C6: variants seen among roughly 807,000 people sequenced by gnomAD.
C6 encodes complement C6, also known as complement component C6.
A neutral mutation model predicts 112.9 loss-of-function variants in C6; 101 were observed. That is an observed-to-expected ratio of 0.89 (90% CI 0.76 to 1.06). The LOEUF (loss-of-function observed/expected upper bound fraction) is 1.06, where lower values mean the gene tolerates loss of function less well. Among genes scored for constraint, C6 ranks in the 50% least tolerant of loss-of-function variants. C6 has a pLI of 0.00. For missense variants in C6, 1,202 were observed against 1,104.6 expected, an observed-to-expected ratio of 1.09 and a Z score of -1.25; for synonymous variants, 431 against 384.1, an observed-to-expected ratio of 1.12 and a Z score of -1.43.
At chr5:41,222,934 A>G (rs1489042694) in intron 1 of C6, among the ~76,000 whole-genome samples, 4 of 152,210 alleles carry the variant, frequency 2.6e-5, no homozygotes, top group Non-Finnish European at 5.9e-5. Flanking sequence ...AACTGTGTTC[A>G]TTTAACCAGA....
intron 1 of C6, among the ~76,000 whole-genome samples, chr5:41,229,286 CT>C (rs1038271081): frequency 6.9e-6 from 1 of 145,542 alleles, no homozygotes; most frequent in Non-Finnish European, 1.5e-5. Flanking sequence ...TGTGATCCTT[CT>C]TTTTGTTTTA....
chr5:41,196,453 G>T, intron 4 of C6, among the ~76,000 whole-genome samples: 1 of 151,836 alleles, frequency 6.6e-6, no homozygotes, highest in East Asian at 1.9e-4. Flanking sequence ...GAAGGAGGGG[G>T]AATTAACTAG....
At chr5:41,165,019 C>T (rs557666255) in intron 9 of C6, among the ~76,000 whole-genome samples, 6 of 152,238 alleles carry the variant, frequency 3.9e-5, no homozygotes, top group South Asian at 2.1e-4. Flanking sequence ...CAAATGCAAA[C>T]GCCAATTGTA....
chr5:41,158,804 T>TAC lies in C6; in HGVS notation c.1857-20_1857-19insGT. The TAC allele has an allele frequency of 1.5e-6, 2 of 1,316,908 alleles. No homozygotes were observed. Among genetic ancestry groups the TAC allele is most frequent in the South Asian group, 2.4e-5 (2 of 85,060 alleles). 81.6% of individuals were successfully genotyped at this position (1,316,908 alleles called of 1,614,324 possible). On this transcript the variant is annotated intron_variant, in intron 12 of 17. Coordinates refer to ENST00000337836, the MANE Select transcript of C6 (RefSeq NM_000065.5). The stretch of plus-strand genomic sequence containing the variant: ...TTGTCCACTAAAAGGGAAACATAAA[T>TAC]ATGTGTGTATATGTATGTATGTACA...
intron 14 of C6, among the ~76,000 whole-genome samples, chr5:41,154,532 C>A (rs184018372): frequency 2.6e-5 from 4 of 152,262 alleles, no homozygotes; most frequent in Admixed American, 2.0e-4. Context: ...GAACATGAAC[C>A]AAGGAGTAGT....
chr5:41,160,756 A>T (rs898061257), intron 10 of C6, among the ~76,000 whole-genome samples: 3 of 152,190 alleles, frequency 2.0e-5, no homozygotes, highest in Non-Finnish European at 2.9e-5. Flanking sequence ...AAATTTAGAG[A>T]GGATAAGAGA....
Position 41,172,442 on chromosome 5 carries a change from C to T in C6, c.1169-95G>A, listed in dbSNP as rs967051751. On this transcript the variant is annotated intron_variant, in intron 8 of 17. Coordinates refer to ENST00000337836, the MANE Select transcript of C6 (RefSeq NM_000065.5). ...TCTGGTCACTTCGGATCTACAGATACTTTATATTAGCCCCTCTCTTCCCCA... is the reference window on the plus strand; with the variant it reads ...TCTGGTCACTTCGGATCTACAGATATTTTATATTAGCCCCTCTCTTCCCCA... The T allele has an allele frequency of 1.1e-5, 13 of 1,205,168 alleles. No individual in the cohort carries two copies. The Admixed American group carries it at 2.1e-4, about 20-fold the overall frequency. 74.7% of individuals were successfully genotyped at this position (1,205,168 alleles called of 1,614,324 possible). A position where few individuals can be genotyped will look rare whatever the true frequency, so the allele number is the denominator to read the frequency against.
chr5:41,199,560 C>T (rs1009469718), intron 4 of C6, among the ~76,000 whole-genome samples: 1 of 152,050 alleles, frequency 6.6e-6, no homozygotes, highest in African/African-American at 2.4e-5. Flanking sequence ...TTGTGCAGAT[C>T]AGGTAAGTGG....
At chr5:41,252,801 C>A (rs1203826077) in intron 1 of C6, among the ~76,000 whole-genome samples, 1 of 152,152 alleles carries the variant, frequency 6.6e-6, no homozygotes, top group East Asian at 1.9e-4. Flanking sequence ...TCCACAGCTC[C>A]CCTTATCTTA....
chr5:41,199,679 G>T, intron 4 of C6, 89 bp downstream of exon 4: 1 of 1,274,586 alleles, frequency 7.8e-7, no homozygotes, highest in Non-Finnish European at 1.1e-6. Flanking sequence ...ATTTCTCTGT[G>T]ATGGATTCTA....
chr5:41,159,005 C>T, intron 12 of C6, 77 bp downstream of exon 12: 2 of 1,487,584 alleles, frequency 1.3e-6, no homozygotes, highest in Non-Finnish European at 1.9e-6. Context: ...TAGCAGTAGA[C>T]TAATAACCAT....
chr5:41,198,099 A>C (rs13436351), intron 4 of C6, among the ~76,000 whole-genome samples: 1 of 152,106 alleles, frequency 6.6e-6, no homozygotes, highest in African/African-American at 2.4e-5. Context: ...GGTATATTGC[A>C]TGGGAATTAA....
At chr5:41,176,797 C>T (rs549763857) in intron 7 of C6, 82 bp from the exon 8 acceptor site, 2 of 1,216,088 alleles carry the variant, frequency 1.6e-6, no homozygotes, top group South Asian at 1.3e-5. Context: ...ATTGATTTAT[C>T]ATTAGTTTCA....
intron 1 of C6, among the ~76,000 whole-genome samples, chr5:41,206,879 C>T (rs915972335): frequency 1.3e-5 from 2 of 152,112 alleles, no homozygotes; most frequent in Non-Finnish European, 2.9e-5. Flanking sequence ...CAGAGAATGC[C>T]ACAAAGATGC....
rs896909104 is a variant in C6, at chr5:41,160,233, T to A, written c.1593A>T (p.Arg531=). The A allele has an allele frequency of 1.9e-6, 3 of 1,613,758 alleles. No homozygotes were observed. The highest frequency in any genetic ancestry group is 2.5e-6 in the Non-Finnish European group (3 of 1,179,870). Residue 531 remains arginine (R), a synonymous_variant, in exon 11 of 18, where the codon CGA becomes CGT. Coordinates refer to ENST00000337836, the MANE Select transcript of C6 (RefSeq NM_000065.5). ...GACATTCAGTCCCTGAGAGGGTGGGTCGGCCATTATTAGGGCATGGAGCAC... is the reference window on the plus strand; with the variant it reads ...GACATTCAGTCCCTGAGAGGGTGGGACGGCCATTATTAGGGCATGGAGCAC... ...CQCAPCPNNG[R]PTLSGTECLC...
At chr5:41,149,636 A>C (rs573966292) in intron 16 of C6, among the ~76,000 whole-genome samples, 154 bp from the exon 17 acceptor site, 67 of 152,294 alleles carry the variant, frequency 4.4e-4, no homozygotes, top group African/African-American at 1.5e-3. Flanking sequence ...GAGGAACAGG[A>C]AAGTGTTGAT....
At chr5:41,152,091 A>G (rs938813772) in intron 15 of C6, among the ~76,000 whole-genome samples, 3 of 152,096 alleles carry the variant, frequency 2.0e-5, no homozygotes, top group Admixed American at 1.3e-4. Flanking sequence ...GAGAAAACAG[A>G]TGTTAATCAA....
At chr5:41,159,559 CAT>C (rs1361395303) in intron 11 of C6, 6 of 512,034 alleles carry the variant, frequency 1.2e-5, no homozygotes, top group African/African-American at 2.1e-5. Flanking sequence ...AATGTGCACT[CAT>C]ATGTGTATAA....
chr5:41,191,116 G>T (rs1187485876), intron 5 of C6, among the ~76,000 whole-genome samples: 2 of 140,328 alleles, frequency 1.4e-5, no homozygotes, highest in Middle Eastern at 3.7e-3. Flanking sequence ...GCCCAGGCTG[G>T]AGTGCAGTGG....
Sources: gnomAD v4.1 joint callset for allele counts (sites outside exome capture counted in the v4.1 genomes callset) on GRCh38, gnomAD v4.1.1 for gene constraint, MANE v1.5 for transcripts, NCBI Gene and HGNC (gene_info 2026-07-23, HGNC 2026-07-21) for gene names.